Variants in TMEM123 observed in about 807,000 individuals in gnomAD.
TMEM123 encodes transmembrane protein 123, also known as porimin.
Under a neutral mutation model 19.7 loss-of-function variants are expected in TMEM123, and 16 were observed. The ratio of observed to expected loss-of-function variants is 0.81; its 90% confidence interval spans 0.55 to 1.23. TMEM123 has a LOEUF of 1.23. Among genes scored for constraint, TMEM123 ranks in the 50% most tolerant of loss-of-function variants. The pLI is 0.00. For missense variants in TMEM123, 313 were observed against 257.8 expected, an observed-to-expected ratio of 1.21 and a Z score of -1.47; for synonymous variants, 118 against 99.4, an observed-to-expected ratio of 1.19 and a Z score of -1.12.
At chr11:102,452,230 AC>A in intron 1 of TMEM123, 1 of 307,746 alleles carries the variant, frequency 3.2e-6, no homozygotes, top group Non-Finnish European at 5.9e-6. Flanking sequence ...GGCTGTAAAA[AC>A]CAACTTGCGG....
intron 2 of TMEM123, among the ~76,000 whole-genome samples, chr11:102,403,805 A>G (rs1239992461): frequency 6.6e-6 from 1 of 152,168 alleles, no homozygotes; most frequent in Non-Finnish European, 1.5e-5. Flanking sequence ...AAACTGGATC[A>G]GTTCCTGTGG....
chr11:102,443,418 C>G (rs1857847751), intron 2 of TMEM123, among the ~76,000 whole-genome samples: 1 of 152,144 alleles, frequency 6.6e-6, no homozygotes, highest in East Asian at 1.9e-4. Context: ...TGATCTTTGA[C>G]AAACCTGACA....
intron 2 of TMEM123, among the ~76,000 whole-genome samples, chr11:102,410,233 C>T (rs942407656): frequency 1.2e-4 from 18 of 148,918 alleles, no homozygotes; most frequent in South Asian, 1.0e-3. Flanking sequence ...GTCTTAAGGA[C>T]GATGAGAACT....
At chr11:102,428,110 T>A (rs1389013184) in intron 2 of TMEM123, among the ~76,000 whole-genome samples, 1 of 152,130 alleles carries the variant, frequency 6.6e-6, no homozygotes, top group Non-Finnish European at 1.5e-5. Flanking sequence ...TCACCCTTCC[T>A]GGGAGTGTGA....
Position 102,452,552 on chromosome 11 carries a change from C to A in TMEM123, c.72G>T (p.Gly24=). The change falls in exon 1 of 5, where the codon GGG becomes GGT. Residue 24 remains glycine (G), a synonymous_variant. Transcript: ENST00000398136. ...LGTLQVLALL[G]AAHESAAMAA... The stretch of plus-strand genomic sequence containing the variant: ...CCATGGCTGCGCTTTCATGGGCGGC[C>A]CCCAGCAGCGCTAGCACCTGCAGCG... 1.3e-6 allele frequency: 2 copies of A among 1,567,632 alleles called. No individual in the cohort carries two copies. The highest frequency in any genetic ancestry group is 8.6e-7 in the Non-Finnish European group (1 of 1,161,300).
At chr11:102,435,898 A>T (rs1256774481) in intron 2 of TMEM123, among the ~76,000 whole-genome samples, 1 of 151,858 alleles carries the variant, frequency 6.6e-6, no homozygotes, top group Non-Finnish European at 1.5e-5. Context: ...GGTGATAAAT[A>T]AAGAGCACAG....
At chr11:102,418,847 C>T (rs1202978679) in intron 2 of TMEM123, among the ~76,000 whole-genome samples, 3 of 152,162 alleles carry the variant, frequency 2.0e-5, no homozygotes, top group Admixed American at 1.3e-4. Flanking sequence ...AATGAAATCA[C>T]ATCCTTTGCA....
Position 102,398,675 on chromosome 11 carries a change from A to T in TMEM123, c.*192T>A. The stretch of plus-strand genomic sequence containing the variant: ...GTATGAACGGTCTATAAGGATCCAG[A>T]TGTTTATTTCAAAACCCAAACCCTT... On this transcript the variant is annotated 3_prime_UTR_variant, in exon 5 of 5. Transcript: ENST00000398136. 3.4e-6 allele frequency: 2 copies of T among 592,454 alleles called. No homozygotes were observed. Among genetic ancestry groups the T allele is most frequent in the East Asian group, 6.2e-5 (2 of 32,066 alleles). 36.7% of individuals were successfully genotyped at this position (592,454 alleles called of 1,614,324 possible). A position where few individuals can be genotyped will look rare whatever the true frequency, so the allele number is the denominator to read the frequency against.
chr11:102,429,811 C>T (rs11825189), intron 2 of TMEM123, among the ~76,000 whole-genome samples: 1 of 152,240 alleles, frequency 6.6e-6, no homozygotes, highest in Non-Finnish European at 1.5e-5. Context: ...TCCACCATCA[C>T]TAAAGCCTCA....
At chr11:102,400,621 A>G (rs1458168063) in intron 4 of TMEM123, among the ~76,000 whole-genome samples, 1 of 152,226 alleles carries the variant, frequency 6.6e-6, no homozygotes, top group African/African-American at 2.4e-5. Context: ...CCCTAATCCC[A>G]GTGTGATGAT....
chr11:102,451,810 G>C (rs1857942288), intron 1 of TMEM123, among the ~76,000 whole-genome samples: 1 of 152,250 alleles, frequency 6.6e-6, no homozygotes, highest in South Asian at 2.1e-4. Context: ...GACCTTACTA[G>C]CGACGACAAG....
At chr11:102,452,471 C>A in intron 1 of TMEM123, 53 bp downstream of exon 1, 1 of 1,363,922 alleles carries the variant, frequency 7.3e-7, no homozygotes, top group South Asian at 1.5e-5. Flanking sequence ...ACCCAAGCCT[C>A]GGCAGCGCGC....
intron 2 of TMEM123, among the ~76,000 whole-genome samples, chr11:102,439,446 C>T (rs1176171386): frequency 6.6e-6 from 1 of 152,128 alleles, no homozygotes; most frequent in Non-Finnish European, 1.5e-5. Flanking sequence ...CTGGAGTGGA[C>T]CTCCAGCAAA....
chr11:102,438,754 G>A (rs546458572), intron 2 of TMEM123, among the ~76,000 whole-genome samples: 4 of 152,220 alleles, frequency 2.6e-5, no homozygotes, highest in Non-Finnish European at 5.9e-5. Context: ...GACAGTGGCT[G>A]CAGCCCACAG....
At chr11:102,400,057 C>A (rs183364393) in intron 4 of TMEM123, among the ~76,000 whole-genome samples, 2 of 152,130 alleles carry the variant, frequency 1.3e-5, no homozygotes, top group East Asian at 3.9e-4. Flanking sequence ...ATTTATGATG[C>A]GATGTTTATT....
intron 2 of TMEM123, among the ~76,000 whole-genome samples, chr11:102,442,836 A>C (rs1857841383): frequency 6.6e-6 from 1 of 152,380 alleles, no homozygotes; most frequent in South Asian, 2.1e-4. Flanking sequence ...CTGATAAGCA[A>C]CTTCAGCAAA....
intron 1 of TMEM123, among the ~76,000 whole-genome samples, chr11:102,451,810 GCGA>G (rs1453273107): frequency 7.2e-5 from 11 of 152,368 alleles, no homozygotes; most frequent in East Asian, 1.9e-4. Context: ...GACCTTACTA[GCGA>G]CGACAAGGGC....
chr11:102,448,257 T>C (rs1216015579), intron 2 of TMEM123: 5 of 456,260 alleles, frequency 1.1e-5, no homozygotes, highest in Admixed American at 2.3e-5. Context: ...ACTACTGATA[T>C]TGATGACATC....
intron 2 of TMEM123, among the ~76,000 whole-genome samples, chr11:102,420,695 C>G (rs1315150331): frequency 6.6e-6 from 1 of 152,150 alleles, no homozygotes; most frequent in African/African-American, 2.4e-5. Context: ...AGTCAAGAAG[C>G]TTTGGTTAGG....
Sources: gnomAD v4.1 joint callset for allele counts (sites outside exome capture counted in the v4.1 genomes callset) on GRCh38, gnomAD v4.1.1 for gene constraint, MANE v1.5 for transcripts, NCBI Gene and HGNC (gene_info 2026-07-23, HGNC 2026-07-21) for gene names.